The following SND1 variants were observed in gnomAD, a reference collection of about 807,000 sequenced individuals.
SND1 encodes the protein staphylococcal nuclease and tudor domain containing 1.
Under a neutral mutation model 121.7 loss-of-function variants are expected in SND1, and 38 were observed. The ratio of observed to expected loss-of-function variants is 0.31; its 90% confidence interval spans 0.24 to 0.41. SND1 has a LOEUF of 0.41. Among genes scored for constraint, SND1 ranks in the 10% least tolerant of loss-of-function variants. The probability of loss-of-function intolerance (pLI) is 1.00; values close to 1 mark genes in which losing one functional copy is unlikely to be tolerated. For synonymous variants in SND1, 401 were observed against 447.4 expected (o/e 0.90, Z 1.31); for missense variants, 868 against 1,184.6 (o/e 0.73, Z 3.92).
At chr7:127,687,644 G>A (rs553023435) in intron 2 of SND1, among the ~76,000 whole-genome samples, 1 of 152,228 alleles carries the variant, frequency 6.6e-6, no homozygotes, top group South Asian at 2.1e-4. Flanking sequence ...TGCAAAGGAC[G>A]TGATTTCAGT....
chr7:127,696,415 G>C (rs1213312787), intron 3 of SND1, among the ~76,000 whole-genome samples: 3 of 152,140 alleles, frequency 2.0e-5, no homozygotes, highest in Non-Finnish European at 4.4e-5. Flanking sequence ...AAATAAGTTT[G>C]CTTTTTACCC....
At chr7:127,902,123 T>G (rs1307014708) in intron 13 of SND1, among the ~76,000 whole-genome samples, 2 of 152,192 alleles carry the variant, frequency 1.3e-5, no homozygotes, top group Non-Finnish European at 2.9e-5. Flanking sequence ...CTCACTGCTT[T>G]TGCCTCGAGG....
intron 14 of SND1, among the ~76,000 whole-genome samples, chr7:127,910,312 C>T (rs554520831): frequency 4.6e-5 from 7 of 152,134 alleles, no homozygotes; most frequent in South Asian, 2.1e-4. Context: ...GGCGTGGTCG[C>T]GGGCACCTGT....
At chr7:127,704,804 A>G (rs1280482263) in intron 7 of SND1, 35 bp from the exon 8 acceptor site, 2 of 1,527,596 alleles carry the variant, frequency 1.3e-6, no homozygotes, top group African/African-American at 2.7e-5. Flanking sequence ...ACAGAGTCTA[A>G]TCCGTGCCTG....
At chr7:128,042,694 G>A (rs764336951) in intron 16 of SND1, among the ~76,000 whole-genome samples, 1 of 152,126 alleles carries the variant, frequency 6.6e-6, no homozygotes, top group African/African-American at 2.4e-5. Context: ...CTGAAAAGGG[G>A]CAGAAATAAG....
chr7:127,749,032 T>A (rs1174641736), intron 10 of SND1, among the ~76,000 whole-genome samples: 2 of 147,988 alleles, frequency 1.4e-5, no homozygotes, highest in African/African-American at 4.9e-5. Context: ...GTTAATGTAT[T>A]TTTTTCTTTC....
At chr7:127,692,180 T>G (rs949067679) in intron 2 of SND1, among the ~76,000 whole-genome samples, 1 of 152,188 alleles carries the variant, frequency 6.6e-6, no homozygotes, top group African/African-American at 2.4e-5. Flanking sequence ...CTTGTCCTGG[T>G]AGTTTTAAGA....
rs150266630 is a variant in SND1 at position 127,896,008 on chromosome 7, G to A, written c.1454+7996G>A. ...TATCTCCTGTCTTGACTAGCAAGCC[G>A]TGGGTAGTCCTGCAGATCATGGGTG... is the stretch of plus-strand genomic sequence containing the variant. On this transcript the variant is annotated intron_variant, in intron 13 of 23. Transcript: ENST00000354725. Among the ~76,000 whole-genome samples, 11 of 152,208 alleles carry A rather than the reference G, an allele frequency of 7.2e-5. No homozygotes were observed. In the East Asian group the frequency reaches 9.7e-4, roughly 13 times the overall value.
At chr7:127,706,946 G>C (rs1796211922) in intron 8 of SND1, among the ~76,000 whole-genome samples, 1 of 152,130 alleles carries the variant, frequency 6.6e-6, no homozygotes, top group East Asian at 1.9e-4. Context: ...TAAGACAGCT[G>C]TTCATTGATT....
intron 16 of SND1, among the ~76,000 whole-genome samples, chr7:128,066,634 T>C (rs3757754): frequency 0.72 from 108,823 of 152,050 alleles, 40,435 homozygotes; most frequent in African/African-American, 0.91. Context: ...GCATTGTTAA[T>C]GTTCATCATC....
At position 128,092,116 on chromosome 7, in the gene SND1, G is replaced by T; in HGVS notation, c.*58G>T. 6.4e-7 allele frequency: 1 copy of T among 1,566,796 alleles called. No homozygotes were observed. The highest frequency in any genetic ancestry group is 8.8e-7 in the Non-Finnish European group (1 of 1,138,400). ...CACGCCAGTCCCTCTTCCTCTGCCG[G>T]GAGGGTGTTTTCAACTCCAAACCCC... On this transcript the variant is annotated 3_prime_UTR_variant, in exon 24 of 24. Coordinates refer to ENST00000354725, the MANE Select transcript of SND1 (RefSeq NM_014390.4). The surrounding 1 kb of genome is among the most constrained non-coding windows in gnomAD (Gnocchi z 4.9).
chr7:127,936,715 G>A (rs1201835513), intron 15 of SND1, among the ~76,000 whole-genome samples: 1 of 151,750 alleles, frequency 6.6e-6, no homozygotes, highest in Non-Finnish European at 1.5e-5. Flanking sequence ...GGCTAATATT[G>A]TTTTATTTTT....
rs374058806 is a variant in SND1 at position 127,881,919 on chromosome 7, G to A, written c.1344-5983G>A. ...CTCCCAAAGTGTTAGAATTATAGGCGTGAGCCACCCCAACAGCCAAAACAA... is the reference window on the plus strand; with the variant it reads ...CTCCCAAAGTGTTAGAATTATAGGCATGAGCCACCCCAACAGCCAAAACAA... On this transcript the variant is annotated intron_variant, in intron 12 of 23. Transcript: ENST00000354725. Among the ~76,000 whole-genome samples, 7 of 152,100 alleles carry A rather than the reference G, an allele frequency of 4.6e-5. No homozygotes were observed. In the East Asian group the frequency reaches 5.8e-4, roughly 13 times the overall value.
At chr7:127,902,849 GA>G (rs1800260922) in intron 13 of SND1, among the ~76,000 whole-genome samples, 1 of 151,618 alleles carries the variant, frequency 6.6e-6, no homozygotes, top group Admixed American at 6.6e-5. Context: ...AAGTAGCTAG[GA>G]TTACAGGTGT....
intron 16 of SND1, among the ~76,000 whole-genome samples, chr7:128,062,503 A>G (rs1191172458): frequency 6.6e-6 from 1 of 152,160 alleles, no homozygotes; most frequent in Non-Finnish European, 1.5e-5. Flanking sequence ...AGGGATGGGC[A>G]TGTGTTTGGT....
intron 15 of SND1, among the ~76,000 whole-genome samples, chr7:127,967,267 T>G (rs1208208367): frequency 6.6e-6 from 1 of 152,128 alleles, no homozygotes; most frequent in Non-Finnish European, 1.5e-5. Flanking sequence ...CTCAGTAGGA[T>G]CAGTATTTAT....
At chr7:127,995,291 G>T in intron 16 of SND1, among the ~76,000 whole-genome samples, 1 of 152,244 alleles carries the variant, frequency 6.6e-6, no homozygotes, top group East Asian at 1.9e-4. Context: ...GTTGGCTGTA[G>T]CTGTGACTAT....
Position 127,849,364 on chromosome 7 carries a change from AC to A in SND1, c.1343+4943del, listed in dbSNP as rs545944676. Among the ~76,000 whole-genome samples the A allele has an allele frequency of 1.4e-4, 21 of 152,252 alleles. No individual in the cohort carries two copies. In the South Asian group the frequency reaches 4.1e-3, roughly 30 times the overall value. On this transcript the variant is annotated intron_variant, in intron 12 of 23. Transcript: ENST00000354725. ...ATTACTTTGAGCTCCAATTTGGCAA[AC>A]CCTTAGAATCTATTAACTCCTTGCT...
At chr7:127,945,157 G>C (rs1263811704) in intron 15 of SND1, among the ~76,000 whole-genome samples, 1 of 152,188 alleles carries the variant, frequency 6.6e-6, no homozygotes, top group African/African-American at 2.4e-5. Flanking sequence ...TTGGATAAAT[G>C]AATGAGCACT....
Sources: gnomAD v4.1 joint callset for allele counts (sites outside exome capture counted in the v4.1 genomes callset) on GRCh38, gnomAD v4.1.1 for gene constraint, Gnocchi (gnomAD v3.1) non-coding constraint, MANE v1.5 for transcripts, NCBI Gene and HGNC (gene_info 2026-07-23, HGNC 2026-07-21) for gene names.